TOX: variants seen among roughly 807,000 people sequenced by gnomAD.
The protein encoded by TOX is thymocyte selection-associated high mobility group box protein TOX.
In TOX, 11 loss-of-function variants were observed where a neutral mutation model predicts 53.7. The ratio of observed to expected loss-of-function variants is 0.20; its 90% confidence interval spans 0.13 to 0.34. The LOEUF (loss-of-function observed/expected upper bound fraction) is 0.34. TOX is among the 10% of genes least tolerant of loss of function. The probability of loss-of-function intolerance (pLI) is 1.00; values close to 1 mark genes in which losing one functional copy is unlikely to be tolerated. For synonymous variants in TOX, 225 were observed against 245.3 expected (o/e 0.92, Z 0.77); for missense variants, 570 against 664.6 (o/e 0.86, Z 1.56).
At chr8:58,965,771 G>C (rs867733204) in intron 1 of TOX, among the ~76,000 whole-genome samples, 7 of 152,110 alleles carry the variant, frequency 4.6e-5, no homozygotes, top group Middle Eastern at 3.4e-3. Context: ...GTTTATAACA[G>C]GGGGTCAATT....
chr8:58,827,018 T>C (rs1300221653), intron 5 of TOX, 116 bp from the exon 6 acceptor site: 1 of 526,004 alleles, frequency 1.9e-6, no homozygotes. Context: ...TATAATATAA[T>C]AATATATATC....
intron 3 of TOX, among the ~76,000 whole-genome samples, chr8:58,889,395 T>A (rs1297246537): frequency 6.6e-6 from 1 of 151,902 alleles, no homozygotes; most frequent in South Asian, 2.1e-4. Context: ...TAGTGTGTCA[T>A]CTTTTGTAAA....
intron 1 of TOX, among the ~76,000 whole-genome samples, chr8:59,003,516 C>T (rs1375003379): frequency 6.6e-6 from 1 of 151,970 alleles, no homozygotes; most frequent in African/African-American, 2.4e-5. Context: ...TGGAAAAGTA[C>T]AACACAAGAC....
At chr8:58,818,513 G>A (rs1165857148) in intron 6 of TOX, among the ~76,000 whole-genome samples, 1 of 152,106 alleles carries the variant, frequency 6.6e-6, no homozygotes, top group Non-Finnish European at 1.5e-5. Flanking sequence ...TCCTCCAAAA[G>A]GGCATCTTTT....
At chr8:59,070,757 T>A (rs577077573) in intron 1 of TOX, among the ~76,000 whole-genome samples, 1 of 152,296 alleles carries the variant, frequency 6.6e-6, no homozygotes, top group African/African-American at 2.4e-5. Context: ...TGACCTCTAT[T>A]TCATCTGAAA....
chr8:59,076,848 TATG>T (rs1272298107), intron 1 of TOX, among the ~76,000 whole-genome samples: 1 of 152,232 alleles, frequency 6.6e-6, no homozygotes, highest in Non-Finnish European at 1.5e-5. Flanking sequence ...TTGTATCCCA[TATG>T]ATCTCTCTTA....
intron 1 of TOX, among the ~76,000 whole-genome samples, chr8:59,001,907 T>C (rs1813694749): frequency 6.6e-6 from 1 of 151,758 alleles, no homozygotes; most frequent in Non-Finnish European, 1.5e-5. Flanking sequence ...TCTTTCCCTT[T>C]ATCAGTAAAA....
chr8:58,838,066 C>T lies in TOX; in HGVS notation c.924+15G>A, dbSNP rs374049782. ...TCAGCTTATGTAGATTCCCATTCCA[C>T]TGGGAATCCCTTACCTGTTTTTGCT... is the stretch of plus-strand genomic sequence containing the variant. On this transcript the variant is annotated intron_variant, in intron 5 of 8. Coordinates refer to ENST00000361421, the MANE Select transcript of TOX (RefSeq NM_014729.3). The T allele has an allele frequency of 1.2e-6, 2 of 1,605,910 alleles. No individual in the cohort carries two copies. The highest frequency in any genetic ancestry group is 2.7e-5 in the African/African-American group (2 of 74,656).
At chr8:58,942,835 A>C (rs1239992346) in intron 2 of TOX, among the ~76,000 whole-genome samples, 1 of 152,154 alleles carries the variant, frequency 6.6e-6, no homozygotes, top group Non-Finnish European at 1.5e-5. Context: ...GCTTGCTCAC[A>C]CAGATCCAAT....
chr8:59,108,581 G>C (rs1804953623), intron 1 of TOX, among the ~76,000 whole-genome samples: 1 of 151,716 alleles, frequency 6.6e-6, no homozygotes, highest in African/African-American at 2.4e-5. Context: ...CATTTCTCTT[G>C]ATGATGGAAA....
At chr8:58,818,217 T>C (rs1810212406) in intron 6 of TOX, among the ~76,000 whole-genome samples, 1 of 152,124 alleles carries the variant, frequency 6.6e-6, no homozygotes, top group Non-Finnish European at 1.5e-5. Flanking sequence ...CAAAGACCAG[T>C]CCCCCTCAAC....
chr8:58,834,522 T>C (rs1050499465), intron 5 of TOX, among the ~76,000 whole-genome samples: 3 of 152,206 alleles, frequency 2.0e-5, no homozygotes, highest in African/African-American at 7.2e-5. Context: ...GGAGATATTA[T>C]AGTATGTTGG....
chr8:58,834,420 A>T (rs988065288), intron 5 of TOX, among the ~76,000 whole-genome samples: 43 of 152,206 alleles, frequency 2.8e-4, no homozygotes, highest in Admixed American at 2.6e-3. Flanking sequence ...AATCTGCTCC[A>T]GGAACGTTCT....
At chr8:59,113,354 A>T (rs1231520367) in intron 1 of TOX, among the ~76,000 whole-genome samples, 1 of 152,184 alleles carries the variant, frequency 6.6e-6, no homozygotes, top group Non-Finnish European at 1.5e-5. Flanking sequence ...TTTTCCTCTC[A>T]GCATCACATG....
chr8:58,806,628 A>T lies in TOX; in HGVS notation c.*1119T>A, dbSNP rs1309208612. 6.6e-6 allele frequency: 1 copy of T among 152,576 alleles called. No homozygotes were observed. The highest frequency in any genetic ancestry group is 2.4e-5 in the African/African-American group (1 of 41,436). The allele number at this position is 152,576 out of a possible 1,614,324, so 9.5% of individuals were successfully genotyped here. On this transcript the variant is annotated 3_prime_UTR_variant, in exon 9 of 9. Coordinates refer to ENST00000361421, the MANE Select transcript of TOX (RefSeq NM_014729.3). ...CAACCAAAGAAATGCAGAAATAAGG[A>T]CTGGTTACTTTAATTTGCTGCTAAA...
chr8:59,065,999 A>G (rs569971515), intron 1 of TOX, among the ~76,000 whole-genome samples: 72 of 152,320 alleles, frequency 4.7e-4, no homozygotes, highest in African/African-American at 1.7e-3. Context: ...CCAAATAGAC[A>G]AAAGATGTCC....
intron 1 of TOX, chr8:58,991,985 A>G (rs1011458568): frequency 6.6e-6 from 1 of 152,220 alleles, no homozygotes; most frequent in African/African-American, 2.4e-5. Context: ...GAGACGCCGG[A>G]GCCCTCGTTA....
Position 58,900,209 on chromosome 8 carries a change from A to G in TOX, c.411+39093T>C, listed in dbSNP as rs373756200. Among the ~76,000 whole-genome samples, 10 of 152,312 alleles carry G rather than the reference A, an allele frequency of 6.6e-5. No homozygotes were observed. In the South Asian group the frequency reaches 2.1e-3, roughly 32 times the overall value. On this transcript the variant is annotated intron_variant, in intron 3 of 8. Transcript: ENST00000361421. ...CACCCAGTGGAATAAACAGTGGCCCAACATAACTATTTTTTTCAACCACAG... is the reference window on the plus strand; with the variant it reads ...CACCCAGTGGAATAAACAGTGGCCCGACATAACTATTTTTTTCAACCACAG...
intron 1 of TOX, among the ~76,000 whole-genome samples, chr8:59,003,228 A>C (rs539739325): frequency 1.2e-3 from 184 of 152,370 alleles, no homozygotes; most frequent in Non-Finnish European, 1.9e-3. Context: ...TTTTTTAAGC[A>C]GAACAACTTG....
Sources: gnomAD v4.1 joint callset for allele counts (sites outside exome capture counted in the v4.1 genomes callset) on GRCh38, gnomAD v4.1.1 for gene constraint, MANE v1.5 for transcripts, NCBI Gene and HGNC (gene_info 2026-07-23, HGNC 2026-07-21) for gene names.